PCDHGA7: variants seen among roughly 807,000 people sequenced by gnomAD.
PCDHGA7 encodes the protein protocadherin gamma-A7.
In PCDHGA7, 44 loss-of-function variants were observed where a neutral mutation model predicts 58.3. That is an observed-to-expected ratio of 0.75 (90% CI 0.59 to 0.97). The LOEUF is 0.97. Among genes scored for constraint, PCDHGA7 ranks in the 50% least tolerant of loss-of-function variants. The probability of loss-of-function intolerance (pLI) is 0.00; values close to 1 mark genes in which losing one functional copy is unlikely to be tolerated. For synonymous variants in PCDHGA7, 516 were observed against 504.2 expected (o/e 1.02, Z -0.31); for missense variants, 1,266 against 1,188.7 (o/e 1.06, Z -0.96).
At chr5:141,423,712 T>C (rs1231796741) in intron 1 of PCDHGA7, 2 of 1,313,518 alleles carry the variant, frequency 1.5e-6, no homozygotes, top group Admixed American at 3.2e-5. Flanking sequence ...CACAAGTCTT[T>C]TAAGGAGATG....
At chr5:141,424,540 T>G (rs944656560) in intron 1 of PCDHGA7, 1 of 152,244 alleles carries the variant, frequency 6.6e-6, no homozygotes, top group Admixed American at 6.5e-5. Flanking sequence ...TAGAAATAAC[T>G]TGATTTTGAT....
intron 1 of PCDHGA7, chr5:141,427,931 G>C: frequency 6.3e-7 from 1 of 1,583,764 alleles, no homozygotes; most frequent in Non-Finnish European, 8.6e-7. Flanking sequence ...GGCGCATGTT[G>C]GTGGGCGACC....
chr5:141,388,892 A>G (rs1370408221), intron 1 of PCDHGA7: 1 of 1,613,996 alleles, frequency 6.2e-7, no homozygotes, highest in Non-Finnish European at 8.5e-7. Context: ...TAGAAGTCAT[A>G]GATGAAAATG....
At chr5:141,478,519 G>A in intron 1 of PCDHGA7, 2 of 1,610,728 alleles carry the variant, frequency 1.2e-6, no homozygotes, top group Non-Finnish European at 1.7e-6. Context: ...GGCAGGTGTT[G>A]GGTGCAGAGA....
At chr5:141,388,887 G>C in intron 1 of PCDHGA7, 1 of 1,613,988 alleles carries the variant, frequency 6.2e-7, no homozygotes, top group Non-Finnish European at 8.5e-7. Context: ...GGAGGTAGAA[G>C]TCATAGATGA....
Position 141,431,051 on chromosome 5 carries a change from G to C in PCDHGA7, c.2424+45728G>C, listed in dbSNP as rs1280440001. On this transcript the variant is annotated intron_variant, in intron 1 of 3. Coordinates refer to ENST00000518325, the MANE Select transcript of PCDHGA7 (RefSeq NM_018920.4). This position sits in a 1 kb window ranked among gnomAD's most constrained non-coding sequence, Gnocchi z 4.8. ...GATAGACCGGGAGGAGCTCTGTATGGGGGCCATCAAGTGTCAATTAAATCT... is the reference window on the plus strand; with the variant it reads ...GATAGACCGGGAGGAGCTCTGTATGCGGGCCATCAAGTGTCAATTAAATCT... 3 of 1,614,218 alleles carry C rather than the reference G, an allele frequency of 1.9e-6. No homozygotes were observed. Among genetic ancestry groups the C allele is most frequent in the East Asian group, 2.2e-5 (1 of 44,886 alleles).
chr5:141,505,628 A>C, intron 3 of PCDHGA7, 147 bp downstream of exon 3: 1 of 1,481,752 alleles, frequency 6.7e-7, no homozygotes, highest in Non-Finnish European at 9.0e-7. Flanking sequence ...ACAATTCCAA[A>C]CATAAAGCCT....
chr5:141,464,773 C>G (rs576769467), intron 1 of PCDHGA7, among the ~76,000 whole-genome samples: 79 of 152,106 alleles, frequency 5.2e-4, no homozygotes, highest in African/African-American at 1.9e-3. Context: ...GAATCTTGTT[C>G]TGTTGCCCAG....
At chr5:141,421,455 C>T (rs762490406) in intron 1 of PCDHGA7, 7 of 1,614,108 alleles carry the variant, frequency 4.3e-6, no homozygotes, top group Non-Finnish European at 4.2e-6. Flanking sequence ...CACAGCTTTT[C>T]GCTGTGAATC....
intron 1 of PCDHGA7, among the ~76,000 whole-genome samples, chr5:141,460,703 G>A (rs1009662968): frequency 6.6e-6 from 1 of 151,534 alleles, no homozygotes; most frequent in Non-Finnish European, 1.5e-5. Flanking sequence ...AGTTGAATGA[G>A]AATAAACTAT....
At chr5:141,425,289 A>C (rs17208404) in intron 1 of PCDHGA7, among the ~76,000 whole-genome samples, 26,691 of 152,172 alleles carry the variant, frequency 0.18, 2,539 homozygotes, top group Admixed American at 0.28. Flanking sequence ...CATATTATAA[A>C]ACCTCATCTA....
Position 141,409,527 on chromosome 5 carries a change from T to A in PCDHGA7, c.2424+24204T>A. 1 of 1,613,970 alleles carries A rather than the reference T, an allele frequency of 6.2e-7. No homozygotes were observed. Among genetic ancestry groups the A allele is most frequent in the South Asian group, 1.1e-5 (1 of 91,084 alleles). ...TCCAGTAGAAGCATCACCTTGTATGTCGCTGACATCAACGACAACGCCCCA... is the reference window on the plus strand; with the variant it reads ...TCCAGTAGAAGCATCACCTTGTATGACGCTGACATCAACGACAACGCCCCA... On this transcript the variant is annotated intron_variant, in intron 1 of 3. Coordinates refer to ENST00000518325, the MANE Select transcript of PCDHGA7 (RefSeq NM_018920.4).
chr5:141,385,225 G>C lies in PCDHGA7; in HGVS notation c.2326G>C (p.Val776Leu). 1 of 1,614,232 alleles carries C rather than the reference G, an allele frequency of 6.2e-7. No homozygotes were observed. The highest frequency in any genetic ancestry group is 8.5e-7 in the Non-Finnish European group (1 of 1,180,046). The stretch of plus-strand genomic sequence containing the variant: ...CCTGATCTTCCCCCAGCCCAACTAT[G>C]TAGACATGCTCATCAGCCAGGAGAG... ...SHLIFPQPNY[V>L]DMLISQESCE... Residue 776 changes from valine to leucine, a missense_variant, in exon 1 of 4, where the codon GTA (valine) becomes CTA (leucine). Transcript: ENST00000518325.
At chr5:141,444,876 G>A (rs921183358) in intron 1 of PCDHGA7, among the ~76,000 whole-genome samples, 1 of 152,186 alleles carries the variant, frequency 6.6e-6, no homozygotes, top group African/African-American at 2.4e-5. Flanking sequence ...GACAAAGCTT[G>A]TAGGATTTTT....
intron 1 of PCDHGA7, among the ~76,000 whole-genome samples, chr5:141,482,530 C>CAAAAAAAAAAAAAAAAAAAAAA (rs3074545): frequency 1.3e-5 from 1 of 76,562 alleles, no homozygotes. Context: ...GACAGACATG[C>CAAAAAAAAAAAAAAAAAAAAAA]AAAAAAAAAA....
chr5:141,401,586 A>G (rs1174763520), intron 1 of PCDHGA7, among the ~76,000 whole-genome samples: 2 of 152,228 alleles, frequency 1.3e-5, no homozygotes, highest in Admixed American at 1.3e-4. Context: ...ATCCTGACAT[A>G]TTCTTGAAGA....
chr5:141,408,889 A>G, intron 1 of PCDHGA7: 1 of 1,613,232 alleles, frequency 6.2e-7, no homozygotes, highest in Non-Finnish European at 8.5e-7. Flanking sequence ...CTCACATAGA[A>G]ATTTCTGTCA....
intron 1 of PCDHGA7, chr5:141,428,212 C>A (rs1295973505): frequency 8.0e-7 from 1 of 1,255,000 alleles, no homozygotes; most frequent in Non-Finnish European, 1.1e-6. Context: ...TACGCTTCAC[C>A]TAGTCTTCGC....
rs778586702 is a variant in PCDHGA7, at chr5:141,404,963, A to G, written c.2424+19640A>G. 8.7e-6 allele frequency: 14 copies of G among 1,613,744 alleles called. No homozygotes were observed. In the South Asian group the frequency reaches 1.5e-4, roughly 18 times the overall value. ...AGCCATAGCTGACAGCATCCCAGAC[A>G]TCCTGGCTGACCTGGGCAGTCTTCA... On this transcript the variant is annotated intron_variant, in intron 1 of 3. Transcript: ENST00000518325.
Sources: allele counts gnomAD v4.1 joint callset (sites outside exome capture counted in the v4.1 genomes callset), GRCh38; gene constraint gnomAD v4.1.1; non-coding constraint Gnocchi (gnomAD v3.1); transcripts MANE v1.5; gene names NCBI Gene and HGNC (gene_info 2026-07-23, HGNC 2026-07-21).